SLC9B1: variants seen among roughly 807,000 people sequenced by gnomAD.
SLC9B1 encodes solute carrier family 9 member B1.
Under a neutral mutation model 51.7 loss-of-function variants are expected in SLC9B1, and 32 were observed. That is an observed-to-expected ratio of 0.62 (90% CI 0.47 to 0.83). The LOEUF is 0.83. Ranked by LOEUF, SLC9B1 falls within the 40% of genes least tolerant of loss-of-function variation. SLC9B1 has a pLI of 0.00. For synonymous variants in SLC9B1, 145 were observed against 212.7 expected, an observed-to-expected ratio of 0.68 and a Z score of 2.77; for missense variants, 406 against 613.2, an observed-to-expected ratio of 0.66 and a Z score of 3.57.
chr4:102,979,127 G>A (rs1366397918), intron 3 of SLC9B1, among the ~76,000 whole-genome samples: 1 of 152,176 alleles, frequency 6.6e-6, no homozygotes, highest in Admixed American at 6.6e-5. Flanking sequence ...ATGTAAAACT[G>A]TAGGTGAAAA....
At chr4:102,930,561 T>C (rs1269215002) in intron 7 of SLC9B1, among the ~76,000 whole-genome samples, 5 of 152,128 alleles carry the variant, frequency 3.3e-5, no homozygotes, top group Non-Finnish European at 7.4e-5. Context: ...CCCACCACCA[T>C]GCCTGGCTAA....
chr4:102,999,809 A>G (rs926180945), intron 1 of SLC9B1, among the ~76,000 whole-genome samples: 1 of 152,182 alleles, frequency 6.6e-6, no homozygotes, highest in African/African-American at 2.4e-5. Context: ...GATTCCTCCC[A>G]TATCAGGCAT....
intron 3 of SLC9B1, among the ~76,000 whole-genome samples, chr4:102,970,136 A>G (rs1184127950): frequency 6.6e-6 from 1 of 152,206 alleles, no homozygotes; most frequent in African/African-American, 2.4e-5. Context: ...AAATACAGAA[A>G]ACATCACAAA....
intron 3 of SLC9B1, among the ~76,000 whole-genome samples, chr4:102,954,066 G>A (rs1333882900): frequency 2.2e-5 from 1 of 45,574 alleles, no homozygotes; most frequent in Non-Finnish European, 3.6e-5. Context: ...CAAAGGGAAT[G>A]CTTCCAGTTT....
rs770535449 is a variant in SLC9B1, at chr4:102,991,658, T to C, written c.54A>G (p.Thr18=). ...AAGTTTTTACCTGAGGAGTTGTAGA[T>C]GTTTGGAAGTTTTCATCCTCCAAAT... ...NEHLEDENFQ[T]STTPQSLIDP... is the part of the protein sequence containing the mutation. The change falls in exon 2 of 12, where the codon ACA becomes ACG. Residue 18 remains threonine, a synonymous_variant. Transcript: ENST00000296422. 6.3e-6 allele frequency: 10 copies of C among 1,588,584 alleles called. No homozygotes were observed. Among genetic ancestry groups the C allele is most frequent in the Non-Finnish European group, 8.6e-6 (10 of 1,165,536 alleles).
At chr4:103,018,748 CTT>C (rs1201360843) in intron 1 of SLC9B1, among the ~76,000 whole-genome samples, 3 of 152,166 alleles carry the variant, frequency 2.0e-5, no homozygotes, top group Non-Finnish European at 4.4e-5. Context: ...ATGTGTGCAA[CTT>C]TCCTTTTTCC....
chr4:103,006,807 C>A (rs956029287), intron 1 of SLC9B1, among the ~76,000 whole-genome samples: 1 of 152,132 alleles, frequency 6.6e-6, no homozygotes, highest in African/African-American at 2.4e-5. Flanking sequence ...TAGACTTTAT[C>A]CCTGGCATGC....
At chr4:102,926,600 A>G (rs1331206429) in intron 7 of SLC9B1, among the ~76,000 whole-genome samples, 1 of 152,218 alleles carries the variant, frequency 6.6e-6, no homozygotes, top group African/African-American at 2.4e-5. Context: ...ATAAAAGAGG[A>G]CACAAACAAA....
chr4:102,921,911 C>T (rs1735899697), intron 7 of SLC9B1, among the ~76,000 whole-genome samples: 1 of 152,142 alleles, frequency 6.6e-6, no homozygotes, highest in African/African-American at 2.4e-5. Context: ...ATTCATAAAG[C>T]AGGTCCTTAG....
At chr4:102,969,386 C>T (rs555268287) in intron 3 of SLC9B1, among the ~76,000 whole-genome samples, 1 of 152,308 alleles carries the variant, frequency 6.6e-6, no homozygotes, top group African/African-American at 2.4e-5. Flanking sequence ...TCCAACAGAC[C>T]TGCAGCTGAG....
rs180783909 is a variant in SLC9B1, at chr4:102,922,980, C to G, written c.829+9144G>C. Among the ~76,000 whole-genome samples the G allele has an allele frequency of 1.4e-3, 208 of 152,176 alleles. No homozygotes were observed. The Middle Eastern group carries it at 0.017, about 12-fold the overall frequency. On this transcript the variant is annotated intron_variant, in intron 7 of 11. Coordinates refer to ENST00000296422, the MANE Select transcript of SLC9B1 (RefSeq NM_139173.4). ...TCACAGCTGAATTCTACCAGAGGCACAAAGAGGAGCTGGTACCATTCTTTC... is the reference window on the plus strand; with the variant it reads ...TCACAGCTGAATTCTACCAGAGGCAGAAAGAGGAGCTGGTACCATTCTTTC...
intron 3 of SLC9B1, among the ~76,000 whole-genome samples, chr4:102,977,885 G>T (rs1470501587): frequency 6.6e-6 from 1 of 151,996 alleles, no homozygotes; most frequent in Non-Finnish European, 1.5e-5. Flanking sequence ...GTATACATGT[G>T]CCATGTTGTT....
At chr4:102,995,568 T>C (rs1021002728) in intron 1 of SLC9B1, among the ~76,000 whole-genome samples, 2 of 152,170 alleles carry the variant, frequency 1.3e-5, no homozygotes, top group Non-Finnish European at 2.9e-5. Context: ...GAATAATAGA[T>C]GCACAGGTTA....
chr4:102,985,642 G>C (rs1739580536), intron 3 of SLC9B1, among the ~76,000 whole-genome samples: 1 of 151,796 alleles, frequency 6.6e-6, no homozygotes, highest in South Asian at 2.1e-4. Flanking sequence ...TCCTGCCTCA[G>C]CATCTTGAGT....
At chr4:102,932,970 G>A (rs1645406185) in intron 6 of SLC9B1, among the ~76,000 whole-genome samples, 1 of 152,216 alleles carries the variant, frequency 6.6e-6, no homozygotes, top group South Asian at 2.1e-4. Flanking sequence ...CATTTCTGGA[G>A]TGGTTGATGA....
intron 6 of SLC9B1, among the ~76,000 whole-genome samples, chr4:102,943,502 TGTATACACACACACACAC>T (rs1334844020): frequency 2.0e-5 from 1 of 50,692 alleles, no homozygotes; most frequent in Non-Finnish European, 3.6e-5. Context: ...TATATGTGTA[TGTATACACACACACACAC>T]ACACACACAC....
intron 3 of SLC9B1, among the ~76,000 whole-genome samples, chr4:102,979,842 C>T (rs1029842947): frequency 3.3e-5 from 5 of 152,026 alleles, no homozygotes; most frequent in African/African-American, 1.2e-4. Flanking sequence ...TGCAATCTAT[C>T]CATCTGATAA....
At chr4:102,954,977 C>T (rs1737708112) in intron 3 of SLC9B1, among the ~76,000 whole-genome samples, 1 of 152,142 alleles carries the variant, frequency 6.6e-6, no homozygotes, top group Non-Finnish European at 1.5e-5. Flanking sequence ...TCATCAAAGG[C>T]AGTTATCAAA....
At chr4:102,918,226 CA>C (rs1388616535) in intron 7 of SLC9B1, among the ~76,000 whole-genome samples, 1 of 151,516 alleles carries the variant, frequency 6.6e-6, no homozygotes, top group Non-Finnish European at 1.5e-5. Context: ...GAAGACATTG[CA>C]ACAGATATTA....
Sources: allele counts gnomAD v4.1 joint callset (sites outside exome capture counted in the v4.1 genomes callset), GRCh38; gene constraint gnomAD v4.1.1; transcripts MANE v1.5; gene names NCBI Gene and HGNC (gene_info 2026-07-23, HGNC 2026-07-21).